RIT2: variants seen among roughly 807,000 people sequenced by gnomAD.
The protein encoded by RIT2 is Ras like without CAAX 2, also known as GTP-binding protein Rit2.
RIT2 carries 24 observed loss-of-function variants against 23.7 expected under a neutral mutation model. The ratio of observed to expected loss-of-function variants is 1.01; its 90% CI spans 0.73 to 1.43. RIT2 has a LOEUF of 1.43. RIT2 is among the 40% of genes most tolerant of loss of function. The pLI is 0.00. For missense variants in RIT2, 236 were observed against 266.9 expected, an observed-to-expected ratio of 0.88 and a Z score of 0.81; for synonymous variants, 107 against 91.1, an observed-to-expected ratio of 1.17 and a Z score of -0.99.
intron 1 of RIT2, among the ~76,000 whole-genome samples, chr18:43,055,492 G>A (rs767957189): frequency 6.6e-6 from 1 of 152,018 alleles, no homozygotes; most frequent in Non-Finnish European, 1.5e-5. Flanking sequence ...AAAAGAGGGT[G>A]CCCATGATAT....
chr18:42,800,796 G>T (rs1301558614), intron 4 of RIT2, among the ~76,000 whole-genome samples: 2 of 152,094 alleles, frequency 1.3e-5, no homozygotes, highest in Non-Finnish European at 2.9e-5. Context: ...CTCCCAGAGT[G>T]CTGGGATTAC....
At chr18:43,007,408 A>T (rs1911252073) in intron 2 of RIT2, among the ~76,000 whole-genome samples, 1 of 151,722 alleles carries the variant, frequency 6.6e-6, no homozygotes, top group Admixed American at 6.6e-5. Context: ...AAACTTGAGA[A>T]GTAATGAGCA....
intron 1 of RIT2, among the ~76,000 whole-genome samples, chr18:43,068,102 A>T (rs949145272): frequency 3.9e-5 from 6 of 152,328 alleles, no homozygotes; most frequent in Admixed American, 3.9e-4. Flanking sequence ...GTAAGATTCA[A>T]CAACTTAGTA....
At chr18:42,817,467 G>T (rs1408568742) in intron 4 of RIT2, among the ~76,000 whole-genome samples, 3 of 152,036 alleles carry the variant, frequency 2.0e-5, no homozygotes, top group Non-Finnish European at 4.4e-5. Flanking sequence ...TCCATCAAAA[G>T]GTTAACATTT....
chr18:42,790,797 G>A (rs1028161419), intron 4 of RIT2, among the ~76,000 whole-genome samples: 1 of 152,210 alleles, frequency 6.6e-6, no homozygotes, highest in Non-Finnish European at 1.5e-5. Flanking sequence ...CCTACAGGAA[G>A]AAAAGTTTAA....
chr18:42,978,477 A>C (rs1395838704), intron 2 of RIT2, among the ~76,000 whole-genome samples: 1 of 152,060 alleles, frequency 6.6e-6, no homozygotes, highest in East Asian at 1.9e-4. Context: ...GCAGAAATAC[A>C]CTGTCAGAAA....
Position 42,846,486 on chromosome 18 carries a change from G to A in RIT2, c.426+77086C>T, listed in dbSNP as rs191923408. ...TTTGATAATAAAATTTAACAAGAGA[G>A]TTATCACAGTGGAAAATTAGAGTCC... On this transcript the variant is annotated intron_variant, in intron 4 of 4. Transcript: ENST00000326695. Among the ~76,000 whole-genome samples, 1,297 of 152,040 alleles carry A rather than the reference G, an allele frequency of 8.5e-3. 18 individuals are homozygous for A. Among genetic ancestry groups the A allele is most frequent in the Non-Finnish European group, 0.014 (926 of 67,890 alleles).
At chr18:42,876,560 T>C (rs954447000) in intron 4 of RIT2, among the ~76,000 whole-genome samples, 2 of 151,756 alleles carry the variant, frequency 1.3e-5, no homozygotes, top group African/African-American at 4.8e-5. Flanking sequence ...GATGAAAAAA[T>C]AAAAGCAAAA....
At chr18:43,058,545 A>G (rs1441041157) in intron 1 of RIT2, among the ~76,000 whole-genome samples, 23 of 152,120 alleles carry the variant, frequency 1.5e-4, no homozygotes, top group Admixed American at 1.4e-3. Flanking sequence ...ATACCCAAGA[A>G]TCACTCATAA....
At chr18:43,081,703 C>A (rs1015868846) in intron 1 of RIT2, among the ~76,000 whole-genome samples, 3 of 152,076 alleles carry the variant, frequency 2.0e-5, no homozygotes, top group African/African-American at 7.2e-5. Context: ...CTTTTTATTT[C>A]CTGTTTGTTC....
intron 4 of RIT2, among the ~76,000 whole-genome samples, chr18:42,763,758 C>T (rs995791116): frequency 6.6e-6 from 1 of 152,112 alleles, no homozygotes; most frequent in Non-Finnish European, 1.5e-5. Context: ...GGTCAAAACA[C>T]AAACACATTT....
intron 1 of RIT2, among the ~76,000 whole-genome samples, chr18:43,052,758 A>G (rs1369861679): frequency 6.6e-6 from 1 of 152,028 alleles, no homozygotes; most frequent in African/African-American, 2.4e-5. Flanking sequence ...AATGACATCT[A>G]ATTACCTTAA....
chr18:43,008,049 C>T (rs72899259), intron 2 of RIT2, among the ~76,000 whole-genome samples: 7,045 of 151,614 alleles, frequency 0.046, 206 homozygotes, highest in Middle Eastern at 0.13. Context: ...GGACATAACA[C>T]CACATATGAA....
intron 1 of RIT2, among the ~76,000 whole-genome samples, chr18:43,079,589 A>T (rs971067457): frequency 1.3e-5 from 2 of 152,196 alleles, no homozygotes; most frequent in African/African-American, 4.8e-5. Flanking sequence ...GGTTCCTTGG[A>T]AAAACTCCAA....
At position 42,945,596 on chromosome 18, in the gene RIT2, T is replaced by C. The variant is rs1467227984; in HGVS notation, c.235-21833A>G. 3.9e-5 allele frequency among the ~76,000 whole-genome samples: 6 copies of C among 152,162 alleles called. 1 individual carries two copies. The highest frequency in any genetic ancestry group is 3.9e-4 in the Admixed American group (6 of 15,250). On this transcript the variant is annotated intron_variant, in intron 3 of 4. Transcript: ENST00000326695. ...TACCCATGACAGAAGAAGCATTAGT[T>C]TATTTCAGTTAGGCAGTGATAAGGT...
chr18:42,851,091 C>G (rs572679712), intron 4 of RIT2, among the ~76,000 whole-genome samples: 2 of 152,220 alleles, frequency 1.3e-5, no homozygotes, highest in South Asian at 2.1e-4. Context: ...GTGCAAATGA[C>G]CAAACTTTAC....
intron 1 of RIT2, among the ~76,000 whole-genome samples, chr18:43,057,907 T>G (rs1027395905): frequency 6.6e-6 from 1 of 151,728 alleles, no homozygotes; most frequent in Non-Finnish European, 1.5e-5. Context: ...GATTTTGGTG[T>G]GTCTTGCCTG....
chr18:42,802,371 A>G (rs1439349621), intron 4 of RIT2, among the ~76,000 whole-genome samples: 1 of 152,192 alleles, frequency 6.6e-6, no homozygotes, highest in Admixed American at 6.5e-5. Flanking sequence ...GTGGCATAAT[A>G]TAAAAACTAA....
At chr18:43,095,302 C>G (rs1465990004) in intron 1 of RIT2, among the ~76,000 whole-genome samples, 2 of 152,032 alleles carry the variant, frequency 1.3e-5, no homozygotes, top group African/African-American at 4.8e-5. Flanking sequence ...TTGCATTTCT[C>G]TGATGACCGG....
Sources: allele counts gnomAD v4.1 joint callset (sites outside exome capture counted in the v4.1 genomes callset), GRCh38; gene constraint gnomAD v4.1.1; transcripts MANE v1.5; gene names NCBI Gene and HGNC (gene_info 2026-07-23, HGNC 2026-07-21).